SGCD: variants seen among roughly 807,000 people sequenced by gnomAD.
SGCD encodes sarcoglycan delta, also known as delta-sarcoglycan.
In SGCD, 18 loss-of-function variants were observed where a neutral mutation model predicts 36.6. The observed-to-expected ratio is 0.49, with a 90% CI of 0.34 to 0.73. The LOEUF is 0.73. Among genes scored for constraint, SGCD ranks in the 30% least tolerant of loss-of-function variants. SGCD has a pLI of 0.01. For missense variants in SGCD, 387 were observed against 346.7 expected (o/e 1.12, Z -0.92); for synonymous variants, 133 against 130.6 (o/e 1.02, Z -0.12).
intron 6 of SGCD, among the ~76,000 whole-genome samples, chr5:156,629,855 CTTTTTTTTTTTTTTTTTT>C (rs560099325): frequency 5.8e-5 from 5 of 85,600 alleles, no homozygotes; most frequent in Non-Finnish European, 1.2e-4. Context: ...GAGACTTTTT[CTTTTTTTTTTTTTTTTTT>C]TTTTTTAGAT....
rs1356646548 is a variant in SGCD, at chr5:156,757,723, A to G, written c.699+19A>G. 1.3e-6 allele frequency: 2 copies of G among 1,595,368 alleles called. No individual in the cohort carries two copies. Among genetic ancestry groups the G allele is most frequent in the African/African-American group, 2.7e-5 (2 of 74,698 alleles). ...TGGAGAGGTGAGGGATGAGAAGGAC[A>G]GAAGTTCAAAGAGCTACAGCTTCAA... is the stretch of plus-strand genomic sequence containing the variant. On this transcript the variant is annotated intron_variant, in intron 8 of 8. Transcript: ENST00000337851.
At chr5:156,553,964 T>C (rs1170064214) in intron 4 of SGCD, among the ~76,000 whole-genome samples, 1 of 151,730 alleles carries the variant, frequency 6.6e-6, no homozygotes, top group African/African-American at 2.4e-5. Flanking sequence ...ATTATCTTGG[T>C]TATATACAGT....
chr5:156,008,537 G>T (rs1214304988), intron 1 of SGCD, among the ~76,000 whole-genome samples: 2 of 152,062 alleles, frequency 1.3e-5, no homozygotes, highest in Non-Finnish European at 2.9e-5. Flanking sequence ...CACCATGCCT[G>T]GCTAATTTTT....
intron 1 of SGCD, among the ~76,000 whole-genome samples, chr5:156,070,447 A>G (rs2127587368): frequency 1.3e-5 from 2 of 150,780 alleles, no homozygotes; most frequent in East Asian, 3.9e-4. Flanking sequence ...TGATTTGTGT[A>G]TATTGAACCA....
chr5:156,480,204 G>A (rs1755363913), intron 3 of SGCD, among the ~76,000 whole-genome samples: 1 of 152,178 alleles, frequency 6.6e-6, no homozygotes, highest in Non-Finnish European at 1.5e-5. Context: ...TAACAGCTCT[G>A]CCTTGATTAG....
chr5:156,090,736 G>T (rs984784759), intron 1 of SGCD, among the ~76,000 whole-genome samples: 1 of 152,086 alleles, frequency 6.6e-6, no homozygotes, highest in South Asian at 2.1e-4. Context: ...TATCTCAACC[G>T]CATAAGACAG....
chr5:156,436,676 T>C (rs1163343613), intron 3 of SGCD, among the ~76,000 whole-genome samples: 1 of 152,212 alleles, frequency 6.6e-6, no homozygotes, highest in Non-Finnish European at 1.5e-5. Flanking sequence ...TTTCCTATTA[T>C]ATCATGCTCC....
chr5:155,830,273 C>T, the SGCD span, among the ~76,000 whole-genome samples: 40,106 of 152,074 alleles, frequency 0.26, 5,928 homozygotes, highest in Admixed American at 0.46. Flanking sequence ...GGCCCCTCTC[C>T]TTGTCTTGCA....
chr5:155,767,284 G>A, the SGCD span, among the ~76,000 whole-genome samples: 12 of 152,190 alleles, frequency 7.9e-5, no homozygotes, highest in Non-Finnish European at 1.2e-4. Flanking sequence ...GCGGCCTGAG[G>A]AAGACATGTC....
In SGCD at chr5:156,683,222, T is replaced by C. The variant is rs543383772; in HGVS notation, c.575+35686T>C. On this transcript the variant is annotated intron_variant, in intron 7 of 8. Coordinates refer to ENST00000337851, the MANE Select transcript of SGCD (RefSeq NM_000337.6). ...GATTGTTCATGCTGTAAGATTTTATTGAGTTGATAAACTACATAAGCTTTG... is the reference window on the plus strand; with the variant it reads ...GATTGTTCATGCTGTAAGATTTTATCGAGTTGATAAACTACATAAGCTTTG... Among the ~76,000 whole-genome samples the C allele has an allele frequency of 1.8e-3, 274 of 152,300 alleles. 1 individual carries two copies. The highest frequency in any genetic ancestry group is 6.2e-3 in the African/African-American group (257 of 41,570).
chr5:155,856,197 A>G, the SGCD span, among the ~76,000 whole-genome samples: 1 of 152,218 alleles, frequency 6.6e-6, no homozygotes, highest in Non-Finnish European at 1.5e-5. Context: ...CTCTGTATAT[A>G]CACGCACTAT....
chr5:156,673,609 A>G (rs1753393761), intron 7 of SGCD, among the ~76,000 whole-genome samples: 1 of 152,160 alleles, frequency 6.6e-6, no homozygotes, highest in East Asian at 1.9e-4. Flanking sequence ...GGGCTCAAAC[A>G]CACTCACTCC....
intron 3 of SGCD, among the ~76,000 whole-genome samples, chr5:156,282,474 G>A (rs1766479372): frequency 6.6e-6 from 1 of 152,156 alleles, no homozygotes; most frequent in African/African-American, 2.4e-5. Context: ...TGAATGTGTG[G>A]TTTTGAAACC....
At chr5:156,445,717 G>A (rs1753729459) in intron 3 of SGCD, among the ~76,000 whole-genome samples, 1 of 152,076 alleles carries the variant, frequency 6.6e-6, no homozygotes, top group Non-Finnish European at 1.5e-5. Context: ...TGTCACACAG[G>A]ATTCCTGTAC....
chr5:156,047,674 C>A (rs935647015), intron 1 of SGCD, among the ~76,000 whole-genome samples: 1 of 152,016 alleles, frequency 6.6e-6, no homozygotes, highest in Admixed American at 6.6e-5. Flanking sequence ...TCAAAATATT[C>A]CTGCGCATTG....
At chr5:155,870,808 G>A (rs890480529) in intron 1 of SGCD, among the ~76,000 whole-genome samples, 1 of 152,064 alleles carries the variant, frequency 6.6e-6, no homozygotes, top group Non-Finnish European at 1.5e-5. Context: ...TCAGGTTAAC[G>A]TCTTTTTGCA....
chr5:156,500,909 G>A (rs1756417987), intron 3 of SGCD, among the ~76,000 whole-genome samples: 1 of 152,132 alleles, frequency 6.6e-6, no homozygotes, highest in Admixed American at 6.6e-5. Flanking sequence ...ACGTCACTCA[G>A]AATTTTGCAG....
intron 7 of SGCD, among the ~76,000 whole-genome samples, chr5:156,715,672 A>G (rs1223819356): frequency 6.6e-6 from 1 of 152,216 alleles, no homozygotes; most frequent in Non-Finnish European, 1.5e-5. Flanking sequence ...GCCACTTATT[A>G]ACTATGTCAT....
intron 1 of SGCD, among the ~76,000 whole-genome samples, chr5:155,892,210 C>A (rs574302447): frequency 8.3e-4 from 127 of 152,110 alleles, no homozygotes; most frequent in African/African-American, 2.4e-3. Context: ...GTAGTCCCAG[C>A]ACTTTGGGAG....
Sources: gnomAD v4.1 joint callset for allele counts (sites outside exome capture counted in the v4.1 genomes callset) on GRCh38, gnomAD v4.1.1 for gene constraint, MANE v1.5 for transcripts, NCBI Gene and HGNC (gene_info 2026-07-23, HGNC 2026-07-21) for gene names.